Variants in CARF observed in about 807,000 individuals in gnomAD.
The protein encoded by CARF is calcium responsive transcription factor, also known as calcium-responsive transcription factor.
Under a neutral mutation model 82.0 loss-of-function variants are expected in CARF, and 57 were observed. That is an observed-to-expected ratio of 0.70 (90% CI 0.56 to 0.87). CARF has a LOEUF of 0.87. Ranked by LOEUF, CARF falls within the 40% of genes least tolerant of loss-of-function variation. The pLI is 0.00. For missense variants in CARF, 771 were observed against 855.8 expected, an observed-to-expected ratio of 0.90 and a Z score of 1.24; for synonymous variants, 268 against 290.1, an observed-to-expected ratio of 0.92 and a Z score of 0.77.
At chr2:202,928,776 G>C (rs1692334206) in intron 3 of CARF, among the ~76,000 whole-genome samples, 1 of 152,088 alleles carries the variant, frequency 6.6e-6, no homozygotes, top group African/African-American at 2.4e-5. Context: ...GTCAGACAGG[G>C]TCTCATTCTA....
rs2060482612 is a variant in CARF, at chr2:202,987,329, GA to G, written c.*3706del. Among the ~76,000 whole-genome samples, 1 of 126,920 alleles carries G rather than the reference GA, an allele frequency of 7.9e-6. No homozygotes were observed. The highest frequency in any genetic ancestry group is 1.0e-4 in the Admixed American group (1 of 9,798). 83.3% of individuals were successfully genotyped at this position (126,920 alleles called of 152,430 possible). The stretch of plus-strand genomic sequence containing the variant: ...GTAATGACAAAGTATGTGATCAAAA[GA>G]GAAGGGATTATTAATTTTTTCCCTC... On this transcript the variant is annotated 3_prime_UTR_variant, in exon 17 of 17. Transcript: ENST00000438828.
At chr2:202,954,177 T>C (rs759338376) in intron 7 of CARF, 43 bp downstream of exon 7, 12 of 1,585,920 alleles carry the variant, frequency 7.6e-6, no homozygotes, top group Non-Finnish European at 1.0e-5. Flanking sequence ...AATATCACCA[T>C]GGAAATCTTT....
chr2:202,926,073 C>T (rs1691756333), intron 3 of CARF, among the ~76,000 whole-genome samples: 1 of 152,198 alleles, frequency 6.6e-6, no homozygotes. Flanking sequence ...AAGCTAGTAT[C>T]TGAGTCCTTT....
At chr2:202,969,706 A>T (rs1391834247) in intron 10 of CARF, among the ~76,000 whole-genome samples, 2 of 152,172 alleles carry the variant, frequency 1.3e-5, no homozygotes, top group Non-Finnish European at 2.9e-5. Context: ...ATCTGTAAGT[A>T]CTTAGATATT....
intron 12 of CARF, chr2:202,973,337 A>G (rs1191561026): frequency 5.8e-6 from 2 of 342,946 alleles, no homozygotes; most frequent in African/African-American, 4.4e-5. Context: ...GAAGTATAAT[A>G]CAGTTCTGCG....
chr2:202,919,526 A>G (rs1175015043), intron 2 of CARF, among the ~76,000 whole-genome samples: 5 of 152,148 alleles, frequency 3.3e-5, no homozygotes, highest in Non-Finnish European at 7.4e-5. Context: ...AGTGACTACA[A>G]TGCCTGCATA....
intron 1 of CARF, among the ~76,000 whole-genome samples, chr2:202,914,549 C>T (rs907716641): frequency 3.3e-5 from 5 of 151,964 alleles, no homozygotes; most frequent in African/African-American, 2.4e-5. Flanking sequence ...GTGGCTGAGG[C>T]GGGTGGAGCA....
At chr2:202,951,055 CT>C (rs1392119367) in intron 5 of CARF, among the ~76,000 whole-genome samples, 7 of 150,482 alleles carry the variant, frequency 4.7e-5, no homozygotes, top group African/African-American at 1.2e-4. Flanking sequence ...TCAAATGGCC[CT>C]TTTTTTTTGA....
intron 12 of CARF, 56 bp from the exon 13 acceptor site, chr2:202,974,278 C>A: frequency 7.8e-7 from 1 of 1,277,924 alleles, no homozygotes; most frequent in South Asian, 1.6e-5. Context: ...GTCTTTTGAT[C>A]TAAAGGCATA....
chr2:202,970,859 C>CTT (rs759204879), intron 11 of CARF, among the ~76,000 whole-genome samples: 6 of 135,492 alleles, frequency 4.4e-5, no homozygotes, highest in Admixed American at 1.5e-4. Context: ...GTCTACTTTT[C>CTT]TTTTTTTTTT....
chr2:202,917,210 C>CAAAAAAAAAAAAAAA (rs71034203), intron 1 of CARF, among the ~76,000 whole-genome samples: 2 of 47,012 alleles, frequency 4.3e-5, no homozygotes, highest in Admixed American at 3.7e-4. Flanking sequence ...GACTCCGTCT[C>CAAAAAAAAAAAAAAA]AAAAAAAAAA....
At chr2:202,926,148 G>A (rs1286875656) in intron 3 of CARF, among the ~76,000 whole-genome samples, 3 of 152,182 alleles carry the variant, frequency 2.0e-5, no homozygotes, top group African/African-American at 4.8e-5. Flanking sequence ...GCCGACCAGA[G>A]CCTGTGGGGG....
At position 202,942,976 on chromosome 2, in the gene CARF, A is replaced by G; in HGVS notation, c.306+9A>G. 6.2e-7 allele frequency: 1 copy of G among 1,606,558 alleles called. No individual in the cohort carries two copies. Among genetic ancestry groups the G allele is most frequent in the Non-Finnish European group, 8.5e-7 (1 of 1,174,328 alleles). ...AATCCAATGCACAAATGGTGAGTAT[A>G]TTTTATAAGTAACCAGTTTTATGCC... On this transcript the variant is annotated intron_variant, in intron 5 of 16. Transcript: ENST00000438828.
chr2:202,969,822 C>T, intron 10 of CARF, 97 bp from the exon 11 acceptor site: 1 of 767,784 alleles, frequency 1.3e-6, no homozygotes, highest in Non-Finnish European at 1.9e-6. Context: ...TGAATTTTCT[C>T]TAAGCTTAAA....
chr2:202,959,485 G>A (rs1303660255), intron 8 of CARF, among the ~76,000 whole-genome samples: 2 of 152,100 alleles, frequency 1.3e-5, no homozygotes, highest in East Asian at 1.9e-4. Context: ...CATTGTAAGA[G>A]ATCACAGTTA....
chr2:202,965,924 C>T (rs546722710), intron 9 of CARF, among the ~76,000 whole-genome samples: 17 of 152,090 alleles, frequency 1.1e-4, no homozygotes, highest in Admixed American at 2.6e-4. Flanking sequence ...GTCAGGAATC[C>T]AAGAGTGACT....
intron 10 of CARF, among the ~76,000 whole-genome samples, chr2:202,968,518 T>A (rs115332473): frequency 6.6e-4 from 100 of 152,300 alleles, no homozygotes; most frequent in Non-Finnish European, 6.9e-4. Context: ...TAAACCTGAC[T>A]GTGAAACAAA....
chr2:202,938,616 T>A (rs1375681586), intron 3 of CARF, among the ~76,000 whole-genome samples: 2 of 134,770 alleles, frequency 1.5e-5, no homozygotes, highest in African/African-American at 5.3e-5. Flanking sequence ...TTTCACTCTC[T>A]TTTCTGAAAA....
intron 1 of CARF, among the ~76,000 whole-genome samples, chr2:202,914,235 AGT>A (rs1297402231): frequency 6.6e-6 from 1 of 152,152 alleles, no homozygotes; most frequent in Admixed American, 6.6e-5. Context: ...GGAGAACCAC[AGT>A]TTGGAAAATA....
Sources: allele counts gnomAD v4.1 joint callset (sites outside exome capture counted in the v4.1 genomes callset), GRCh38; gene constraint gnomAD v4.1.1; transcripts MANE v1.5; gene names NCBI Gene and HGNC (gene_info 2026-07-23, HGNC 2026-07-21).